NR3C2: variants seen among roughly 807,000 people sequenced by gnomAD.
The protein encoded by NR3C2 is nuclear receptor subfamily 3 group C member 2.
NR3C2 carries 15 observed loss-of-function variants against 86.4 expected under a neutral mutation model. That is an observed-to-expected ratio of 0.17 (90% CI 0.12 to 0.27). The LOEUF (loss-of-function observed/expected upper bound fraction) is 0.27, where lower values mean the gene tolerates loss of function less well. Ranked by LOEUF, NR3C2 falls within the 10% of genes least tolerant of loss-of-function variation. The pLI is 1.00. For missense variants in NR3C2, 960 were observed against 1,195.6 expected (o/e 0.80, Z 2.91); for synonymous variants, 458 against 450.5 (o/e 1.02, Z -0.21).
intron 2 of NR3C2, among the ~76,000 whole-genome samples, chr4:148,260,472 C>A (rs1328072186): frequency 6.6e-6 from 1 of 152,158 alleles, no homozygotes; most frequent in African/African-American, 2.4e-5. Flanking sequence ...GATGTATTTG[C>A]TGTCCTTTTA....
chr4:148,097,069 G>C (rs1019418750), intron 8 of NR3C2, among the ~76,000 whole-genome samples: 8 of 152,168 alleles, frequency 5.3e-5, no homozygotes, highest in Non-Finnish European at 1.2e-4. Context: ...AAGTGATATG[G>C]TGGTACTTAG....
At chr4:148,379,170 G>T (rs1009745778) in intron 2 of NR3C2, among the ~76,000 whole-genome samples, 46 of 151,868 alleles carry the variant, frequency 3.0e-4, no homozygotes, top group African/African-American at 1.1e-3. Flanking sequence ...TAACCCTCTA[G>T]AAAATCTAGA....
intron 2 of NR3C2, among the ~76,000 whole-genome samples, chr4:148,336,807 C>G (rs1335231161): frequency 6.6e-6 from 1 of 151,834 alleles, no homozygotes. Context: ...TTTTCTTTTT[C>G]TTTGAGACAG....
intron 2 of NR3C2, among the ~76,000 whole-genome samples, chr4:148,432,462 C>T (rs116163356): frequency 0.014 from 2,069 of 152,104 alleles, 54 homozygotes; most frequent in African/African-American, 0.046. Context: ...ATCTGTGTTC[C>T]ATTTTGGGTG....
intron 2 of NR3C2, among the ~76,000 whole-genome samples, chr4:148,272,522 T>C (rs529584115): frequency 2.0e-4 from 31 of 152,292 alleles, no homozygotes; most frequent in African/African-American, 7.2e-4. Context: ...TATTCTAGTC[T>C]TTTCTTGCCT....
chr4:148,157,920 C>T (rs1311919721), intron 4 of NR3C2, among the ~76,000 whole-genome samples: 1 of 152,048 alleles, frequency 6.6e-6, no homozygotes, highest in African/African-American at 2.4e-5. Context: ...AGCTATCAAA[C>T]AACAAAAGCT....
chr4:148,236,594 G>A (rs1270913208), intron 3 of NR3C2, among the ~76,000 whole-genome samples: 1 of 152,078 alleles, frequency 6.6e-6, no homozygotes, highest in African/African-American at 2.4e-5. Context: ...AAATATTTGA[G>A]AATTTACAAT....
At chr4:148,204,797 T>C (rs1175926510) in intron 3 of NR3C2, among the ~76,000 whole-genome samples, 2 of 152,226 alleles carry the variant, frequency 1.3e-5, no homozygotes, top group Non-Finnish European at 2.9e-5. Context: ...GTCGCACCTA[T>C]AATTCTAATT....
chr4:148,194,754 T>C lies in NR3C2; in HGVS notation c.2006A>G (p.Asn669Ser), dbSNP rs779688246. 1 of 1,607,202 alleles carries C rather than the reference T, an allele frequency of 6.2e-7. No homozygotes were observed. Among genetic ancestry groups the C allele is most frequent in the Non-Finnish European group, 8.5e-7 (1 of 1,176,756 alleles). Residue 669 changes from asparagine to serine, a missense_variant, in exon 4 of 9, where the codon AAT (asparagine) becomes AGT (serine). Asn to Ser is a conservative substitution (Grantham distance 46). This residue lies in a region of NR3C2 where 47 missense variants were observed against 107.3 expected (regional missense o/e 0.44). Transcript: ENST00000358102. ...AAAAATACAAAACTTACCTCCTAAA[T>C]TCATTCCAGCTTGAAGACATTTCTG... ...RLQKCLQAGM[N>S]LGARKSKKLG... is the part of the protein sequence containing the mutation.
At chr4:148,234,647 T>C (rs1051432535) in intron 3 of NR3C2, among the ~76,000 whole-genome samples, 12 of 146,826 alleles carry the variant, frequency 8.2e-5, no homozygotes, top group African/African-American at 3.1e-4. Flanking sequence ...TGCGCCACTG[T>C]ACTCCAACCT....
intron 6 of NR3C2, among the ~76,000 whole-genome samples, chr4:148,127,963 C>A (rs1315484474): frequency 6.6e-6 from 1 of 152,142 alleles, no homozygotes; most frequent in East Asian, 1.9e-4. Context: ...TTCTCCAAAT[C>A]TGATTCACTT....
intron 2 of NR3C2, among the ~76,000 whole-genome samples, chr4:148,269,824 T>G (rs1400755422): frequency 6.6e-6 from 1 of 152,230 alleles, no homozygotes; most frequent in African/African-American, 2.4e-5. Flanking sequence ...ACAACATATA[T>G]TTTAAGAAAA....
chr4:148,104,631 T>C (rs1483948965), intron 8 of NR3C2, among the ~76,000 whole-genome samples: 2 of 152,192 alleles, frequency 1.3e-5, no homozygotes, highest in Non-Finnish European at 2.9e-5. Context: ...ATTACAGACA[T>C]AGAAGCAAGT....
intron 2 of NR3C2, among the ~76,000 whole-genome samples, chr4:148,352,723 A>G (rs1745354830): frequency 6.6e-6 from 1 of 152,210 alleles, no homozygotes; most frequent in Non-Finnish European, 1.5e-5. Flanking sequence ...AAGATTTTTC[A>G]TAGTTTTAAA....
chr4:148,267,490 TCTTCTGTATGG>T (rs956242463), intron 2 of NR3C2, among the ~76,000 whole-genome samples: 1 of 152,100 alleles, frequency 6.6e-6, no homozygotes, highest in Non-Finnish European at 1.5e-5. Context: ...TGTATTATAT[TCTTCTGTATGG>T]CTTTTAATTT....
At chr4:148,248,875 C>T (rs1261447834) in intron 3 of NR3C2, among the ~76,000 whole-genome samples, 1 of 152,028 alleles carries the variant, frequency 6.6e-6, no homozygotes, top group African/African-American at 2.4e-5. Context: ...GTTTATAAAG[C>T]ACTCCCTTGC....
intron 8 of NR3C2, among the ~76,000 whole-genome samples, chr4:148,085,246 G>A (rs564932724): frequency 2.0e-5 from 3 of 152,212 alleles, no homozygotes; most frequent in South Asian, 4.1e-4. Flanking sequence ...CCACGTAATT[G>A]GAAGTAAAAC....
intron 4 of NR3C2, among the ~76,000 whole-genome samples, chr4:148,179,522 G>A (rs1735549170): frequency 6.6e-6 from 1 of 151,744 alleles, no homozygotes; most frequent in Non-Finnish European, 1.5e-5. Flanking sequence ...AGCAAGGCAT[G>A]AGTGAGTTCA....
chr4:148,232,391 G>A (rs1178406013), intron 3 of NR3C2, among the ~76,000 whole-genome samples: 1 of 152,146 alleles, frequency 6.6e-6, no homozygotes, highest in Non-Finnish European at 1.5e-5. Context: ...TTGGTGACTA[G>A]GTGCGTTGTC....
Sources: allele counts gnomAD v4.1 joint callset (sites outside exome capture counted in the v4.1 genomes callset), GRCh38; gene constraint gnomAD v4.1.1; regional missense constraint gnomAD v4.1.1; transcripts MANE v1.5; gene names NCBI Gene and HGNC (gene_info 2026-07-23, HGNC 2026-07-21).